MBOAT4: variants seen among roughly 807,000 people sequenced by gnomAD.
MBOAT4 encodes the protein membrane-bound ghrelin O-acyltransferase MBOAT4.
A neutral mutation model predicts 13.2 loss-of-function variants in MBOAT4; 11 were observed. That is an observed-to-expected ratio of 0.84 (90% CI 0.53 to 1.38). MBOAT4 has a LOEUF of 1.38. MBOAT4 is among the 40% of genes most tolerant of loss of function. The pLI is 0.00. For missense variants in MBOAT4, 481 were observed against 527.2 expected (o/e 0.91, Z 0.86); for synonymous variants, 202 against 210.3 (o/e 0.96, Z 0.34).
At chr8:30,134,811 G>A (rs546185872) in intron 2 of MBOAT4, among the ~76,000 whole-genome samples, 1 of 152,230 alleles carries the variant, frequency 6.6e-6, no homozygotes, top group South Asian at 2.1e-4. Context: ...GCCTCCCAAA[G>A]TGCTAGGATT....
intron 2 of MBOAT4, 177 bp downstream of exon 2, chr8:30,138,355 A>T (rs943846098): frequency 5.2e-6 from 3 of 579,730 alleles, no homozygotes; most frequent in Non-Finnish European, 9.4e-6. Flanking sequence ...TGTTAGCCCC[A>T]TATCTTTTCC....
In MBOAT4 at chr8:30,138,577, C is replaced by T. The variant is rs1468221359; in HGVS notation, c.299G>A (p.Gly100Asp). The change falls in exon 2 of 3, where the codon GGT becomes GAT. Residue 100 changes from glycine (G) to aspartate (D), a missense_variant. Coordinates refer to ENST00000320542, the MANE Select transcript of MBOAT4 (RefSeq NM_001100916.2). ...QMSWQTLCHL[G>D]LHYTEYYLHE... ...CAGATAATACTCAGTGTAGTGCAGA[C>T]CTAGGTGACACAAGGTCTGCCAGCT... The T allele has an allele frequency of 7.7e-6, 12 of 1,551,472 alleles. No individual in the cohort carries two copies. Among genetic ancestry groups the T allele is most frequent in the Non-Finnish European group, 9.6e-6 (11 of 1,147,000 alleles).
intron 2 of MBOAT4, among the ~76,000 whole-genome samples, chr8:30,136,866 T>C (rs1319587336): frequency 1.3e-5 from 2 of 152,090 alleles, no homozygotes; most frequent in Non-Finnish European, 2.9e-5. Context: ...TTTTGTATTT[T>C]TAGCAGAGAC....
Position 30,132,906 on chromosome 8 carries a change from C to T in MBOAT4, c.345G>A (p.Arg115=). Reference sequence around the variant, plus strand: ...TGAGAGAAGAAAGAGTGATGCAGAACCTGCAAGATAATTTTTTAAAGAACA... The same window carrying T: ...TGAGAGAAGAAAGAGTGATGCAGAATCTGCAAGATAATTTTTTAAAGAACA... The part of the protein sequence containing the change: ...EYYLHEPPSV[R]FCITLSSLML... Residue 115 remains arginine (R), a splice_region_variant and synonymous_variant, in exon 3 of 3, where the codon AGG becomes AGA. Coordinates refer to ENST00000320542, the MANE Select transcript of MBOAT4 (RefSeq NM_001100916.2). The T allele has an allele frequency of 6.7e-7, 1 of 1,501,728 alleles. No homozygotes were observed. Among genetic ancestry groups the T allele is most frequent in the Non-Finnish European group, 8.9e-7 (1 of 1,125,634 alleles). The allele number at this position is 1,501,728 out of a possible 1,614,324, so 93.0% of individuals were successfully genotyped here.
At chr8:30,136,099 A>G (rs1379965823) in intron 2 of MBOAT4, among the ~76,000 whole-genome samples, 1 of 152,126 alleles carries the variant, frequency 6.6e-6, no homozygotes, top group Non-Finnish European at 1.5e-5. Flanking sequence ...TCCAAATGCC[A>G]CCAAACCCTG....
chr8:30,131,818 T>C lies in MBOAT4; in HGVS notation c.*125A>G. ...AATTCCTACTGCAAGTCACTGGGTA[T>C]ATCCATCCAAAACTTTAGAAAAAAT... On this transcript the variant is annotated 3_prime_UTR_variant, in exon 3 of 3. Transcript: ENST00000320542. The C allele has an allele frequency of 8.8e-7, 1 of 1,138,628 alleles. No individual in the cohort carries two copies. Among genetic ancestry groups the C allele is most frequent in the Non-Finnish European group, 1.2e-6 (1 of 824,796 alleles). 70.5% of individuals were successfully genotyped at this position (1,138,628 alleles called of 1,614,324 possible).
In MBOAT4 at chr8:30,132,174, G is replaced by T; in HGVS notation, c.1077C>A (p.Tyr359Ter). Residue 359 changes from tyrosine to a stop codon, truncating the protein, a stop_gained, in exon 3 of 3, where the codon TAC becomes TAA. Transcript: ENST00000320542. LOFTEE classifies it low-confidence loss of function (END_TRUNC). ...ACTCATTGGCAAAGGAGTGAATCAG[G>T]TAGTCAGCTTCCACCATCACGGCCC... Reference protein sequence around the residue: ...VCWAVMVEADYLIHSFANEFI... With the variant: ...VCWAVMVEAD The T allele has an allele frequency of 6.4e-7, 1 of 1,551,872 alleles. No individual in the cohort carries two copies. Among genetic ancestry groups the T allele is most frequent in the Non-Finnish European group, 8.7e-7 (1 of 1,147,042 alleles).
chr8:30,143,382 T>A (rs1247686189), intron 1 of MBOAT4, among the ~76,000 whole-genome samples: 4 of 3,656 alleles, frequency 1.1e-3, no homozygotes, highest in East Asian at 4.7e-3. Flanking sequence ...TATATATATA[T>A]ATATATATAT....
rs143117319 is a variant in MBOAT4 at position 30,131,947 on chromosome 8, T to G, written c.1304A>C (p.Asn435Thr). ...LLLAKRKHKC[N>T] ...GGTGAAAGCCAGGGAAAGATGTCAG[T>G]TACATTTGTGCTTTCTCTTCGCCAA... The change falls in exon 3 of 3, where the codon AAC (asparagine) becomes ACC (threonine). Residue 435 changes from asparagine (N) to threonine (T), a missense_variant. Coordinates refer to ENST00000320542, the MANE Select transcript of MBOAT4 (RefSeq NM_001100916.2). 1.3e-4 allele frequency: 207 copies of G among 1,542,984 alleles called. No homozygotes were observed. The African/African-American group carries it at 2.3e-3, about 17-fold the overall frequency.
Position 30,144,483 on chromosome 8 carries a change from C to A in MBOAT4, c.119G>T (p.Arg40Met). 1 of 1,544,678 alleles carries A rather than the reference C, an allele frequency of 6.5e-7. No homozygotes were observed. The highest frequency in any genetic ancestry group is 2.4e-5 in the East Asian group (1 of 40,836). The change falls in exon 1 of 3, where the codon AGG (arginine) becomes ATG (methionine). Residue 40 changes from arginine to methionine, a missense_variant and splice_region_variant. Arg to Met is a moderately conservative substitution (Grantham distance 91, BLOSUM62 -1). Coordinates refer to ENST00000320542, the MANE Select transcript of MBOAT4 (RefSeq NM_001100916.2). ...CIMDSFSTRA[R>M]YLFLLTGGGA... ...GAGTAAAAATAGCCATCCAGCCTACCTGGCACGAGTGGAGAATGAATCCAT... is the reference window on the plus strand; with the variant it reads ...GAGTAAAAATAGCCATCCAGCCTACATGGCACGAGTGGAGAATGAATCCAT...
chr8:30,137,353 C>A, intron 2 of MBOAT4: 1 of 1,551,656 alleles, frequency 6.4e-7, no homozygotes, highest in East Asian at 2.4e-5. Flanking sequence ...GCTGCCTCTC[C>A]CAGCAGCCGC....
At chr8:30,133,468 G>A (rs752120901) in intron 2 of MBOAT4, among the ~76,000 whole-genome samples, 23 of 152,122 alleles carry the variant, frequency 1.5e-4, no homozygotes, top group Non-Finnish European at 2.8e-4. Context: ...ACATTTACAC[G>A]CATGTTCAAC....
chr8:30,137,847 A>G, intron 2 of MBOAT4: 1 of 303,846 alleles, frequency 3.3e-6, no homozygotes, highest in East Asian at 8.2e-5. Flanking sequence ...ATGGTTTAGG[A>G]GTCATGCAGC....
chr8:30,133,903 C>G (rs1187170368), intron 2 of MBOAT4, among the ~76,000 whole-genome samples: 1 of 152,032 alleles, frequency 6.6e-6, no homozygotes, highest in Admixed American at 6.6e-5. Flanking sequence ...AGAGAGGGTT[C>G]TCAATGCTTG....
In MBOAT4 at chr8:30,132,837, A is replaced by C. The variant is rs143535986; in HGVS notation, c.414T>G (p.Cys138Trp). ...CAGATGCTGCCTTCACTTTCCCCTCACAAATGTCCAGAGAGAGGGACGTGA... is the reference window on the plus strand; with the variant it reads ...CAGATGCTGCCTTCACTTTCCCCTCCCAAATGTCCAGAGAGAGGGACGTGA... ...QRVTSLSLDI[C>W]EGKVKAASGG... The change falls in exon 3 of 3, where the codon TGT becomes TGG. Residue 138 changes from cysteine (C) to tryptophan (W), a missense_variant. Transcript: ENST00000320542. The C allele has an allele frequency of 6.7e-5, 104 of 1,551,526 alleles. No individual in the cohort carries two copies. In the African/African-American group the frequency reaches 1.3e-3, roughly 20 times the overall value.
chr8:30,142,682 G>A (rs1334700502), intron 1 of MBOAT4, among the ~76,000 whole-genome samples: 2 of 152,070 alleles, frequency 1.3e-5, no homozygotes, highest in African/African-American at 4.8e-5. Flanking sequence ...TTCACCCTAA[G>A]GTAACTCCAT....
intron 2 of MBOAT4, among the ~76,000 whole-genome samples, chr8:30,134,466 C>G (rs989837509): frequency 1.3e-5 from 2 of 152,038 alleles, no homozygotes; most frequent in African/African-American, 2.4e-5. Flanking sequence ...CTTTGTCTTC[C>G]TTTACCTACC....
intron 2 of MBOAT4, 118 bp from the exon 3 acceptor site, chr8:30,133,024 T>C: frequency 1.1e-6 from 1 of 894,824 alleles, no homozygotes; most frequent in Non-Finnish European, 1.6e-6. Context: ...CTAAGATTAA[T>C]CTCATGGCCT....
At chr8:30,142,214 C>A (rs1429242714) in intron 1 of MBOAT4, among the ~76,000 whole-genome samples, 1 of 152,092 alleles carries the variant, frequency 6.6e-6, no homozygotes, top group East Asian at 1.9e-4. Flanking sequence ...CTTAAAATAA[C>A]CCCATGAGAT....
Sources: gnomAD v4.1 joint callset for allele counts (sites outside exome capture counted in the v4.1 genomes callset) on GRCh38, gnomAD v4.1.1 for gene constraint, MANE v1.5 for transcripts, NCBI Gene and HGNC (gene_info 2026-07-23, HGNC 2026-07-21) for gene names.